Variants in RIN3 observed in about 807,000 individuals in gnomAD.
RIN3 encodes RAB5 interacting protein 3.
In RIN3, 54 loss-of-function variants were observed where a neutral mutation model predicts 76.3. The ratio of observed to expected loss-of-function variants is 0.71; its 90% CI spans 0.57 to 0.89. RIN3 has a LOEUF of 0.89. RIN3 is among the 40% of genes least tolerant of loss of function. The pLI is 0.00. For missense variants in RIN3, 1,256 were observed against 1,322.1 expected (o/e 0.95, Z 0.78); for synonymous variants, 576 against 564.0 (o/e 1.02, Z -0.30).
intron 7 of RIN3, among the ~76,000 whole-genome samples, chr14:92,669,631 C>T (rs1469179112): frequency 6.6e-6 from 1 of 152,038 alleles, no homozygotes; most frequent in Non-Finnish European, 1.5e-5. Context: ...CAAATGGGTG[C>T]CCTGGGTGGG....
intron 3 of RIN3, among the ~76,000 whole-genome samples, chr14:92,604,018 G>C (rs1885438135): frequency 6.6e-6 from 1 of 152,244 alleles, no homozygotes; most frequent in African/African-American, 2.4e-5. Context: ...GCCAAGTGGT[G>C]GTTCCCATGG....
At chr14:92,539,388 A>C (rs1897081949) in intron 1 of RIN3, among the ~76,000 whole-genome samples, 1 of 152,180 alleles carries the variant, frequency 6.6e-6, no homozygotes, top group Admixed American at 6.5e-5. Flanking sequence ...TAGCAAACTC[A>C]TCAGGTAGTC....
intron 7 of RIN3, among the ~76,000 whole-genome samples, chr14:92,670,681 G>T (rs1230488707): frequency 6.6e-6 from 1 of 152,190 alleles, no homozygotes; most frequent in African/African-American, 2.4e-5. Flanking sequence ...TTGACCAGCT[G>T]CAGGGCTTTG....
chr14:92,597,501 C>T (rs1885192607), intron 3 of RIN3, among the ~76,000 whole-genome samples: 1 of 152,224 alleles, frequency 6.6e-6, no homozygotes, highest in Admixed American at 6.5e-5. Context: ...ACAGGCAGAC[C>T]TAGATTTGAA....
chr14:92,596,454 G>A (rs1278026378), intron 3 of RIN3, among the ~76,000 whole-genome samples: 4 of 152,152 alleles, frequency 2.6e-5, no homozygotes, highest in African/African-American at 9.7e-5. Context: ...TAGATGCCAC[G>A]TGCAAGCTCT....
chr14:92,617,633 T>C (rs1886021525), intron 4 of RIN3, among the ~76,000 whole-genome samples: 1 of 152,182 alleles, frequency 6.6e-6, no homozygotes, highest in South Asian at 2.1e-4. Flanking sequence ...TAGTAAGAAA[T>C]TGGAGTATGC....
In RIN3 at chr14:92,514,145, C is replaced by T. The variant is rs574682077; in HGVS notation, c.44+169C>T. ...GAGGCCAGAACCTGGTTCTGCGGGG[C>T]AGGGGGCGGCCCTGGTGACTCCGCT... On this transcript the variant is annotated intron_variant, in intron 1 of 9. Transcript: ENST00000216487. The surrounding 1 kb of genome is among the most constrained non-coding windows in gnomAD (Gnocchi z 7.2). Among the ~76,000 whole-genome samples the T allele has an allele frequency of 6.6e-6, 1 of 152,224 alleles. No homozygotes were observed. The highest frequency in any genetic ancestry group is 1.5e-5 in the Non-Finnish European group (1 of 68,028).
At chr14:92,538,067 C>T (rs1897047459) in intron 1 of RIN3, among the ~76,000 whole-genome samples, 1 of 151,554 alleles carries the variant, frequency 6.6e-6, no homozygotes, top group African/African-American at 2.4e-5. Flanking sequence ...CCTTGTGATC[C>T]ACCTGCCTCG....
chr14:92,654,847 G>A (rs1887608894), intron 6 of RIN3, among the ~76,000 whole-genome samples: 1 of 152,192 alleles, frequency 6.6e-6, no homozygotes, highest in South Asian at 2.1e-4. Flanking sequence ...GGAGCTTACG[G>A]TCTATCAGAG....
chr14:92,654,362 G>A (rs1008596308), intron 6 of RIN3, among the ~76,000 whole-genome samples: 3 of 151,616 alleles, frequency 2.0e-5, no homozygotes, highest in South Asian at 2.1e-4. Flanking sequence ...CTGTCAGTTC[G>A]CACTGCCGTA....
chr14:92,610,705 A>G (rs2140098563), intron 3 of RIN3, among the ~76,000 whole-genome samples: 1 of 152,304 alleles, frequency 6.6e-6, no homozygotes, highest in East Asian at 1.9e-4. Flanking sequence ...TTCTCTGTGC[A>G]GGACAAACAG....
chr14:92,555,808 TTGTC>T lies in RIN3; in HGVS notation c.105_108del (p.Leu36GlnfsTer30). ...AGGAAGAGGAAGATGGCATGCGGCT[TTGTC>T]TGCCAGCCAACCCGAAAAACTGCCT... On this transcript the variant is annotated frameshift_variant, in exon 2 of 10. Coordinates refer to ENST00000216487, the MANE Select transcript of RIN3 (RefSeq NM_024832.5). LOFTEE classifies it high-confidence loss of function. The T allele has an allele frequency of 6.2e-7, 1 of 1,614,122 alleles. No individual in the cohort carries two copies.
chr14:92,661,858 G>A (rs182230673), intron 7 of RIN3, among the ~76,000 whole-genome samples: 95 of 152,274 alleles, frequency 6.2e-4, no homozygotes, highest in African/African-American at 1.9e-3. Context: ...GAAGAGAGAG[G>A]GTTGTAGTAG....
intron 4 of RIN3, among the ~76,000 whole-genome samples, chr14:92,625,422 T>G (rs890801229): frequency 6.6e-5 from 10 of 152,158 alleles, no homozygotes; most frequent in Non-Finnish European, 1.5e-4. Context: ...GTTGTCTGAG[T>G]CAGTGTTTTC....
rs957785767 is a variant in RIN3, at chr14:92,648,016, G to A, written c.533-3566G>A. On this transcript the variant is annotated intron_variant, in intron 5 of 9. Coordinates refer to ENST00000216487, the MANE Select transcript of RIN3 (RefSeq NM_024832.5). The surrounding 1 kb of genome is among the most constrained non-coding windows in gnomAD (Gnocchi z 4.1). ...ACAGCTTTGCCAACCAAACCACTAGGATTGCATGACACAGGGTTCTGTTTC... is the reference window on the plus strand; with the variant it reads ...ACAGCTTTGCCAACCAAACCACTAGAATTGCATGACACAGGGTTCTGTTTC... Among the ~76,000 whole-genome samples, 1 of 151,948 alleles carries A rather than the reference G, an allele frequency of 6.6e-6. No individual in the cohort carries two copies. The highest frequency in any genetic ancestry group is 1.5e-5 in the Non-Finnish European group (1 of 68,002).
At chr14:92,544,505 A>T (rs1407055202) in intron 1 of RIN3, among the ~76,000 whole-genome samples, 1 of 150,410 alleles carries the variant, frequency 6.6e-6, no homozygotes, top group Non-Finnish European at 1.5e-5. Flanking sequence ...CCGGGGCTAG[A>T]CTCATCTTGA....
At chr14:92,542,331 C>T (rs1897148301) in intron 1 of RIN3, among the ~76,000 whole-genome samples, 1 of 152,020 alleles carries the variant, frequency 6.6e-6, no homozygotes, top group Non-Finnish European at 1.5e-5. Flanking sequence ...ATATCAATAG[C>T]CACCGTAGAA....
intron 3 of RIN3, among the ~76,000 whole-genome samples, chr14:92,578,021 C>G (rs766236995): frequency 6.6e-6 from 1 of 152,162 alleles, no homozygotes; most frequent in African/African-American, 2.4e-5. Context: ...CAGAGGATTT[C>G]TTGAGCCCAG....
At chr14:92,571,127 A>G (rs902560017) in intron 2 of RIN3, among the ~76,000 whole-genome samples, 1 of 152,172 alleles carries the variant, frequency 6.6e-6, no homozygotes, top group African/African-American at 2.4e-5. Context: ...GCTGTAACCA[A>G]TCCAGCTGTT....
Sources: gnomAD v4.1 joint callset for allele counts (sites outside exome capture counted in the v4.1 genomes callset) on GRCh38, gnomAD v4.1.1 for gene constraint, Gnocchi (gnomAD v3.1) non-coding constraint, MANE v1.5 for transcripts, NCBI Gene and HGNC (gene_info 2026-07-23, HGNC 2026-07-21) for gene names.